Variants in GOLGA8S observed in about 807,000 individuals in gnomAD.
GOLGA8S encodes golgin A8 family member S.
GOLGA8S carries 23 observed loss-of-function variants against 58.9 expected under a neutral mutation model. That is an observed-to-expected ratio of 0.39 (90% CI 0.28 to 0.55). GOLGA8S has a LOEUF of 0.55. Among genes scored for constraint, GOLGA8S ranks in the 20% least tolerant of loss-of-function variants. GOLGA8S has a pLI of 0.63. For synonymous variants in GOLGA8S, 84 were observed against 195.7 expected (o/e 0.43, Z 4.76); for missense variants, 266 against 514.2 (o/e 0.52, Z 4.67).
At chr15:23,364,406 C>T (rs1203315283) in exon 16 of GOLGA8S, 1 of 1,604,516 alleles carries the variant, frequency 6.2e-7, no homozygotes, top group Non-Finnish European at 8.5e-7. Flanking sequence ...GAAACAAGAA[C>T]TTCGCTTCAT....
chr15:23,365,098 C>G lies in GOLGA8S; in HGVS notation c.1842C>G (p.Phe614Leu), dbSNP rs567294190. The G allele has an allele frequency of 9.1e-5, 145 of 1,586,140 alleles. 3 individuals are homozygous for G. In the East Asian group the frequency reaches 2.5e-3, roughly 28 times the overall value. Residue 614 changes from phenylalanine to leucine, a missense_variant, in exon 19 of 19, where the codon TTC becomes TTG. Phe to Leu is a conservative substitution (Grantham distance 22). Around this residue, in one of 6 missense-constraint regions of GOLGA8S, gnomAD observed 36 missense variants for 39.6 expected, o/e 0.91. Coordinates refer to ENST00000562295, the Ensembl canonical transcript of GOLGA8S. ...TGGGCAACAACTGCTGTGTGCCATT[C>G]TTTTGCTGGGCTTGGCTGCCAAGAA... is the stretch of plus-strand genomic sequence containing the variant.
chr15:23,368,198 C>A (rs2141034332), downstream of GOLGA8S, among the ~76,000 whole-genome samples: 1 of 151,910 alleles, frequency 6.6e-6, no homozygotes, highest in East Asian at 1.9e-4. Flanking sequence ...TGAATTTTAC[C>A]AGTTTGTGAA....
intron 4 of GOLGA8S, among the ~76,000 whole-genome samples, chr15:23,358,117 C>G (rs2069717129): frequency 6.6e-6 from 1 of 151,912 alleles, no homozygotes; most frequent in South Asian, 2.1e-4. Context: ...CTGTGAAGAA[C>G]CGTACTTGGC....
intron 10 of GOLGA8S, 53 bp downstream of exon 10, chr15:23,360,585 T>C: frequency 1.1e-5 from 11 of 998,198 alleles, no homozygotes; most frequent in Middle Eastern, 2.9e-4. Context: ...TGGATCTTTC[T>C]GGGCACCTGT....
chr15:23,364,469 G>A (rs1462612514), intron 16 of GOLGA8S, 26 bp downstream of exon 16: 2 of 1,604,472 alleles, frequency 1.2e-6, no homozygotes, highest in African/African-American at 1.3e-5. Context: ...GGGCACAGCA[G>A]GGGGAGCTAC....
At chr15:23,362,738 CA>C (rs1443169601) in intron 13 of GOLGA8S, among the ~76,000 whole-genome samples, 2 of 142,524 alleles carry the variant, frequency 1.4e-5, no homozygotes, top group Admixed American at 6.9e-5. Context: ...GGGGCCTGGG[CA>C]GGCGACAGAG....
chr15:23,361,455 T>G (rs1204604684), exon 12 of GOLGA8S: 1 of 775,892 alleles, frequency 1.3e-6, no homozygotes, highest in Non-Finnish European at 2.3e-6. Context: ...TTCAAGGAGC[T>G]GGTGCGTTGC....
At chr15:23,363,928 C>T (rs935143022) in intron 15 of GOLGA8S, among the ~76,000 whole-genome samples, 159 bp downstream of exon 15, 2 of 133,560 alleles carry the variant, frequency 1.5e-5, no homozygotes, top group African/African-American at 5.2e-5. Context: ...CCAACATGTG[C>T]AGTCTCTGGG....
chr15:23,367,028 TC>T (rs2069934166), downstream of GOLGA8S: 1 of 145,078 alleles, frequency 6.9e-6, no homozygotes, highest in African/African-American at 2.5e-5. Context: ...TTCAACTGAC[TC>T]TTCCAAATTT....
At chr15:23,360,812 A>G in exon 11 of GOLGA8S, 2 of 1,439,180 alleles carry the variant, frequency 1.4e-6, no homozygotes, top group Non-Finnish European at 2.0e-6. Flanking sequence ...CAAAAACCAG[A>G]TGGGTAAGAT....
intron 10 of GOLGA8S, 49 bp downstream of exon 10, chr15:23,360,581 T>C (rs2069770362): frequency 1.0e-6 from 1 of 967,048 alleles, no homozygotes; most frequent in Non-Finnish European, 1.7e-6. Flanking sequence ...TCACTGGATC[T>C]TTCTGGGCAC....
rs3940630 is a variant in GOLGA8S at position 23,360,713 on chromosome 15, C to T, written c.787-15C>T. On this transcript the variant is annotated splice_polypyrimidine_tract_variant and intron_variant, in intron 10 of 18. Coordinates refer to ENST00000562295, the Ensembl canonical transcript of GOLGA8S. ...CCCCTCTCTCCAGGGCCCTTTCCCC[C>T]TGTGCTTTGGGCAGGTTTGCTCGTT... is the stretch of plus-strand genomic sequence containing the variant. The T allele has an allele frequency of 1.0e-5, 11 of 1,072,962 alleles. No individual in the cohort carries two copies. The highest frequency in any genetic ancestry group is 4.7e-5 in the East Asian group (2 of 42,534). 66.5% of individuals were successfully genotyped at this position (1,072,962 alleles called of 1,614,324 possible). A position where few individuals can be genotyped will look rare whatever the true frequency, so the allele number is the denominator to read the frequency against.
chr15:23,363,842 C>T lies in GOLGA8S; in HGVS notation c.1347+73C>T, dbSNP rs369255504. On this transcript the variant is annotated intron_variant, in intron 15 of 18. Coordinates refer to ENST00000562295, the Ensembl canonical transcript of GOLGA8S. ...CCCTCCAAGACCCCTTTATGCTCTTCGTTTCCCTGCCTTCTGATTTCTCTG... is the reference window on the plus strand; with the variant it reads ...CCCTCCAAGACCCCTTTATGCTCTTTGTTTCCCTGCCTTCTGATTTCTCTG... 2.4e-4 allele frequency: 130 copies of T among 535,768 alleles called. 5 individuals are homozygous for T. The Middle Eastern group carries it at 3.9e-3, about 16-fold the overall frequency. 33.2% of individuals were successfully genotyped at this position (535,768 alleles called of 1,614,324 possible).
downstream of GOLGA8S, chr15:23,366,029 T>C (rs1207793781): frequency 6.6e-6 from 1 of 150,382 alleles, no homozygotes; most frequent in Non-Finnish European, 1.5e-5. Flanking sequence ...AGCATTTGTA[T>C]CTACAATACA....
intron 15 of GOLGA8S, among the ~76,000 whole-genome samples, 163 bp from the exon 16 acceptor site, chr15:23,364,180 G>A (rs1308333084): frequency 6.9e-6 from 1 of 144,040 alleles, no homozygotes; most frequent in Non-Finnish European, 1.5e-5. Context: ...TGGAGCCCCA[G>A]GGCCTGGGGG....
At chr15:23,354,823 C>G, upstream of GOLGA8S, 1 of 238,110 alleles carries the variant, frequency 4.2e-6, no homozygotes, top group South Asian at 3.1e-5. Context: ...TGGCCCCAAG[C>G]CCGCCTCCCT....
At chr15:23,366,207 G>A (rs1480473693), downstream of GOLGA8S, 4 of 151,630 alleles carry the variant, frequency 2.6e-5, no homozygotes, top group Admixed American at 6.6e-5. Flanking sequence ...AGTCAAGAAT[G>A]AATTAGAGTG....
rs2069740597 is a variant in GOLGA8S, at chr15:23,359,165, GCT to G, written c.554_555del (p.Ser185CysfsTer18). 1.5e-6 allele frequency: 1 copy of G among 669,924 alleles called. No homozygotes were observed. Among genetic ancestry groups the G allele is most frequent in the Non-Finnish European group, 2.7e-6 (1 of 368,042 alleles). 41.5% of individuals were successfully genotyped at this position (669,924 alleles called of 1,614,324 possible). On this transcript the variant is annotated frameshift_variant, in exon 8 of 19. Transcript: ENST00000562295. LOFTEE classifies it high-confidence loss of function. ...GCAGCGTAAAGGAGAGTTAGAGCGG[GCT>G]CTCTCTGCTGTCACCGCCACACAGA...
chr15:23,361,240 G>C, exon 12 of GOLGA8S: 2 of 1,492,790 alleles, frequency 1.3e-6, no homozygotes, highest in Non-Finnish European at 1.8e-6. Context: ...TGCCCCCGGA[G>C]CCCCCAGCAG....
Sources: gnomAD v4.1 joint callset for allele counts (sites outside exome capture counted in the v4.1 genomes callset) on GRCh38, gnomAD v4.1.1 for gene constraint, gnomAD v4.1.1 regional missense constraint, MANE v1.5 for transcripts, NCBI Gene and HGNC (gene_info 2026-07-23, HGNC 2026-07-21) for gene names.